The following MCF2L2 variants were observed in gnomAD, a reference collection of about 807,000 sequenced individuals.
MCF2L2 encodes probable guanine nucleotide exchange factor MCF2L2.
In MCF2L2, 102 loss-of-function variants were observed where a neutral mutation model predicts 150.2. The observed-to-expected ratio is 0.68, with a 90% CI of 0.58 to 0.80. The LOEUF (loss-of-function observed/expected upper bound fraction) is 0.80, where lower values mean the gene tolerates loss of function less well. MCF2L2 is among the 30% of genes least tolerant of loss of function. MCF2L2 has a pLI of 0.00. For synonymous variants in MCF2L2, 465 were observed against 491.3 expected, an observed-to-expected ratio of 0.95 and a Z score of 0.71; for missense variants, 1,256 against 1,372.8, an observed-to-expected ratio of 0.91 and a Z score of 1.34.
intron 2 of MCF2L2, among the ~76,000 whole-genome samples, chr3:183,381,470 T>C (rs572089803): frequency 6.6e-6 from 1 of 152,358 alleles, no homozygotes; most frequent in Admixed American, 6.5e-5. Context: ...ATAAGAATCT[T>C]CTGTTTATAA....
intron 6 of MCF2L2, among the ~76,000 whole-genome samples, chr3:183,318,858 A>C (rs539581775): frequency 1.3e-5 from 2 of 152,232 alleles, no homozygotes; most frequent in Non-Finnish European, 2.9e-5. Context: ...AAAAAATGCT[A>C]ACCATCTTCT....
At chr3:183,319,173 T>C (rs912485771) in intron 6 of MCF2L2, among the ~76,000 whole-genome samples, 2 of 152,254 alleles carry the variant, frequency 1.3e-5, no homozygotes, top group Admixed American at 6.5e-5. Flanking sequence ...TCCTTTGTTG[T>C]CATTTCAACA....
At chr3:183,418,506 G>T (rs1715713302) in intron 1 of MCF2L2, among the ~76,000 whole-genome samples, 1 of 152,188 alleles carries the variant, frequency 6.6e-6, no homozygotes, top group Admixed American at 6.5e-5. Flanking sequence ...TCTGAGACAA[G>T]GCAAGTCCCT....
chr3:183,427,653 A>C (rs1289899036), intron 1 of MCF2L2, among the ~76,000 whole-genome samples: 1 of 151,742 alleles, frequency 6.6e-6, no homozygotes, highest in Non-Finnish European at 1.5e-5. Context: ...TTTGGAGCTC[A>C]ACGGACTCGG....
chr3:183,186,224 C>T (rs146696756), intron 27 of MCF2L2, among the ~76,000 whole-genome samples: 1 of 151,966 alleles, frequency 6.6e-6, no homozygotes, highest in Admixed American at 6.6e-5. Flanking sequence ...ATAAGGTCAC[C>T]CCAATTTTAG....
At chr3:183,336,057 A>G (rs1054389082) in intron 5 of MCF2L2, among the ~76,000 whole-genome samples, 9 of 152,130 alleles carry the variant, frequency 5.9e-5, no homozygotes, top group Admixed American at 5.9e-4. Flanking sequence ...GGACTTCCCA[A>G]CCTCCAGAAC....
intron 14 of MCF2L2, among the ~76,000 whole-genome samples, chr3:183,279,655 C>T (rs1027464458): frequency 2.0e-5 from 3 of 152,120 alleles, no homozygotes; most frequent in African/African-American, 4.8e-5. Context: ...CAGCCCCTCT[C>T]CCCTTATGGT....
chr3:183,323,509 C>G (rs547952464), intron 5 of MCF2L2, among the ~76,000 whole-genome samples, 158 bp from the exon 6 acceptor site: 1 of 151,980 alleles, frequency 6.6e-6, no homozygotes, highest in East Asian at 1.9e-4. Flanking sequence ...AAAATGGTTA[C>G]AGCCAAGCAC....
chr3:183,418,316 G>A (rs1465397692), intron 1 of MCF2L2, among the ~76,000 whole-genome samples: 3 of 152,082 alleles, frequency 2.0e-5, no homozygotes, highest in Non-Finnish European at 2.9e-5. Context: ...CAACATGTGG[G>A]GACTCCAATT....
At chr3:183,368,462 G>A (rs1712670933) in intron 3 of MCF2L2, among the ~76,000 whole-genome samples, 2 of 152,064 alleles carry the variant, frequency 1.3e-5, no homozygotes, top group African/African-American at 4.8e-5. Flanking sequence ...GAGGCACTAT[G>A]GCTCAAAAAG....
rs1728508214 is a variant in MCF2L2 at position 183,296,437 on chromosome 3, A to G, written c.1497+539T>C. On this transcript the variant is annotated intron_variant, in intron 12 of 29. Coordinates refer to ENST00000328913, the MANE Select transcript of MCF2L2 (RefSeq NM_015078.4). ...TGTGCCAGGCTCCCTCCAGCCCTGA[A>G]GCCTTTGCACATGCTGTTCCTCCTG... 1.9e-5 allele frequency: 3 copies of G among 156,622 alleles called. No individual in the cohort carries two copies. The South Asian group carries it at 5.7e-4, about 30-fold the overall frequency. 9.7% of individuals were successfully genotyped at this position (156,622 alleles called of 1,614,324 possible).
chr3:183,330,245 G>GAAAAAAAAAAAA (rs200391954), intron 5 of MCF2L2, among the ~76,000 whole-genome samples: 3 of 57,312 alleles, frequency 5.2e-5, no homozygotes, highest in East Asian at 4.4e-4. Context: ...ACCCTGTCTT[G>GAAAAAAAAAAAA]AAAAAAAAAA....
chr3:183,361,043 G>GGAA (rs1712144951), intron 3 of MCF2L2, among the ~76,000 whole-genome samples: 1 of 105,746 alleles, frequency 9.5e-6, no homozygotes, highest in African/African-American at 5.1e-5. Context: ...AAGGAAGAAA[G>GGAA]GAAAGGAAAG....
chr3:183,314,924 T>C lies in MCF2L2; in HGVS notation c.753+3144A>G, dbSNP rs376701917. Reference sequence around the variant, plus strand: ...TTTCTTTTCTTTTTTTTTTTTTTTTTTTTTTTTTTTTTTTTTTTTTTTTTT... The same window carrying C: ...TTTCTTTTCTTTTTTTTTTTTTTTTCTTTTTTTTTTTTTTTTTTTTTTTTT... On this transcript the variant is annotated intron_variant, in intron 7 of 29. Coordinates refer to ENST00000328913, the MANE Select transcript of MCF2L2 (RefSeq NM_015078.4). Among the ~76,000 whole-genome samples, 145 of 90,048 alleles carry C rather than the reference T, an allele frequency of 1.6e-3. 20 individuals carry two copies. Among genetic ancestry groups the C allele is most frequent in the African/African-American group, 7.5e-3 (130 of 17,442 alleles). The allele number at this position is 90,048 out of a possible 152,430, so 59.1% of individuals were successfully genotyped here.
chr3:183,364,525 T>TA lies in MCF2L2; in HGVS notation c.275+14771dup, dbSNP rs199801117. Among the ~76,000 whole-genome samples, 1,014 of 148,316 alleles carry TA rather than the reference T, an allele frequency of 6.8e-3. 5 individuals are homozygous for TA. Among genetic ancestry groups the TA allele is most frequent in the East Asian group, 0.011 (56 of 5,038 alleles). ...ACAGAGCGAGACTCCATCTCAAAAA[T>TA]AAAAAAAACAAAAGATAAAGGCAGA... is the stretch of plus-strand genomic sequence containing the variant. On this transcript the variant is annotated intron_variant, in intron 3 of 29. Transcript: ENST00000328913.
At chr3:183,239,344 C>T (rs1444332805) in intron 15 of MCF2L2, among the ~76,000 whole-genome samples, 1 of 152,038 alleles carries the variant, frequency 6.6e-6, no homozygotes, top group African/African-American at 2.4e-5. Context: ...TTCTCTGAAG[C>T]CATATTTCAG....
At chr3:183,342,112 G>T (rs532780128) in intron 3 of MCF2L2, among the ~76,000 whole-genome samples, 1 of 152,338 alleles carries the variant, frequency 6.6e-6, no homozygotes, top group Admixed American at 6.5e-5. Context: ...CCCTGGCAGT[G>T]CCTGGCTATA....
intron 1 of MCF2L2, among the ~76,000 whole-genome samples, chr3:183,393,037 AG>A (rs952964589): frequency 5.3e-5 from 8 of 152,142 alleles, no homozygotes; most frequent in Non-Finnish European, 7.4e-5. Flanking sequence ...CACCAGTAAA[AG>A]GGTTTTTCCT....
At chr3:183,198,185 T>A (rs1394942417) in intron 25 of MCF2L2, among the ~76,000 whole-genome samples, 1 of 152,204 alleles carries the variant, frequency 6.6e-6, no homozygotes, top group East Asian at 1.9e-4. Flanking sequence ...AAATCGGATG[T>A]TCATTAACAA....
Sources: allele counts gnomAD v4.1 joint callset (sites outside exome capture counted in the v4.1 genomes callset), GRCh38; gene constraint gnomAD v4.1.1; transcripts MANE v1.5; gene names NCBI Gene and HGNC (gene_info 2026-07-23, HGNC 2026-07-21).